Variants in PATJ observed in about 807,000 individuals in gnomAD.
PATJ encodes PATJ crumbs cell polarity complex component.
A neutral mutation model predicts 224.9 loss-of-function variants in PATJ; 190 were observed. The ratio of observed to expected loss-of-function variants is 0.84; its 90% CI spans 0.75 to 0.95. The LOEUF (loss-of-function observed/expected upper bound fraction) is 0.95. PATJ is among the 40% of genes least tolerant of loss of function. The pLI is 0.00. For missense variants in PATJ, 2,121 were observed against 2,270.3 expected, an observed-to-expected ratio of 0.93 and a Z score of 1.34; for synonymous variants, 769 against 820.3, an observed-to-expected ratio of 0.94 and a Z score of 1.07.
intron 14 of PATJ, among the ~76,000 whole-genome samples, chr1:61,815,760 G>A (rs1179942547): frequency 2.0e-5 from 3 of 152,142 alleles, no homozygotes; most frequent in Non-Finnish European, 4.4e-5. Flanking sequence ...TGAGGTAGGT[G>A]GAGTTGTGGA....
At chr1:61,811,788 G>A (rs768068646) in intron 14 of PATJ, among the ~76,000 whole-genome samples, 2 of 150,604 alleles carry the variant, frequency 1.3e-5, no homozygotes, top group Middle Eastern at 3.4e-3. Flanking sequence ...TAGGCTGGAC[G>A]CGGTGGCTCA....
intron 7 of PATJ, among the ~76,000 whole-genome samples, chr1:61,785,464 T>C (rs1295216579): frequency 6.6e-6 from 1 of 152,212 alleles, no homozygotes. Flanking sequence ...TGGTTCAACC[T>C]TTTTATCAGC....
At chr1:61,786,082 C>A (rs1392325644) in intron 7 of PATJ, among the ~76,000 whole-genome samples, 1 of 152,174 alleles carries the variant, frequency 6.6e-6, no homozygotes, top group Non-Finnish European at 1.5e-5. Context: ...AGTGCAGTGG[C>A]GTGATCTTTG....
At position 61,769,306 on chromosome 1, in the gene PATJ, T is replaced by C. The variant is rs1355122977; in HGVS notation, c.408T>C (p.Asp136=). The part of the protein sequence containing the change: ...MAQGRQIEYI[D]IERPSTGGLG... ...AGGGCCGGCAAATTGAATATATAGA[T>C]ATAGAACGGCCTTCAACTGGAGGCC... The change falls in exon 5 of 44, where the codon GAT becomes GAC. Residue 136 remains aspartate (D), a synonymous_variant. Coordinates refer to ENST00000642238, the MANE Select transcript of PATJ (RefSeq NM_001350145.3). 6.2e-7 allele frequency: 1 copy of C among 1,612,578 alleles called. No individual in the cohort carries two copies. The highest frequency in any genetic ancestry group is 1.3e-5 in the African/African-American group (1 of 74,722).
intron 30 of PATJ, chr1:62,039,056 T>C (rs903015517): frequency 1.1e-6 from 1 of 920,106 alleles, no homozygotes; most frequent in Non-Finnish European, 1.8e-6. Flanking sequence ...AATGGGAACA[T>C]TATGATCCAG....
intron 21 of PATJ, among the ~76,000 whole-genome samples, chr1:61,877,857 C>T (rs1431817239): frequency 6.6e-6 from 1 of 152,032 alleles, no homozygotes; most frequent in Admixed American, 6.5e-5. Context: ...ACCTCTGTAC[C>T]CCTGTTATGA....
intron 31 of PATJ, among the ~76,000 whole-genome samples, chr1:62,068,074 C>T (rs1018859091): frequency 1.3e-4 from 20 of 152,310 alleles, no homozygotes; most frequent in African/African-American, 4.6e-4. Context: ...GGATTACAGG[C>T]GTGAGCCACC....
intron 22 of PATJ, among the ~76,000 whole-genome samples, chr1:61,897,133 G>A (rs900601887): frequency 2.0e-5 from 3 of 152,090 alleles, no homozygotes; most frequent in Non-Finnish European, 4.4e-5. Flanking sequence ...AAATTATAGA[G>A]GAAATGAATA....
intron 27 of PATJ, among the ~76,000 whole-genome samples, chr1:61,958,905 A>C (rs2149413436): frequency 6.6e-6 from 1 of 152,264 alleles, no homozygotes; most frequent in South Asian, 2.1e-4. Flanking sequence ...CTGTTTTGTT[A>C]GGGCAGATAA....
intron 22 of PATJ, among the ~76,000 whole-genome samples, chr1:61,886,949 C>G (rs1435665537): frequency 6.6e-6 from 1 of 151,350 alleles, no homozygotes; most frequent in Non-Finnish European, 1.5e-5. Flanking sequence ...CCACTGCACT[C>G]CAGCCTGGGT....
chr1:61,777,699 CTTTCTTTTT>C lies in PATJ; in HGVS notation c.849+2369_849+2377del, dbSNP rs1312567483. 1.5e-4 allele frequency among the ~76,000 whole-genome samples: 12 copies of C among 80,082 alleles called. 1 individual carries two copies. Among genetic ancestry groups the C allele is most frequent in the African/African-American group, 2.3e-4 (4 of 17,686 alleles). 52.5% of individuals were successfully genotyped at this position (80,082 alleles called of 152,430 possible). A position where few individuals can be genotyped will look rare whatever the true frequency, so the allele number is the denominator to read the frequency against. ...TATTTTCTTCCTTTTTTCTTTCTTTCTTTCTTTTTTTTTTTTTTTTTTTTTTTTAGCATA... is the reference window on the plus strand; with the variant it reads ...TATTTTCTTCCTTTTTTCTTTCTTTCTTTTTTTTTTTTTTTTTTTAGCATA... On this transcript the variant is annotated intron_variant, in intron 7 of 43. Transcript: ENST00000642238.
chr1:61,808,415 T>C (rs781725324), intron 13 of PATJ, 59 bp from the exon 14 acceptor site: 67 of 982,298 alleles, frequency 6.8e-5, no homozygotes, highest in Admixed American at 5.4e-4. Flanking sequence ...TTTCAGAAAA[T>C]GTAGGAGGAA....
rs1557983945 is a variant in PATJ, at chr1:61,980,473, GTGTGTGGTA to G, written c.3671-9692_3671-9684del. ...TGTGTGTGTGTGTGTGTGTGTGTGT[GTGTGTGGTA>G]TGCATTTTCATATAGTAAACAAAGT... is the stretch of plus-strand genomic sequence containing the variant. On this transcript the variant is annotated intron_variant, in intron 27 of 43. Coordinates refer to ENST00000642238, the MANE Select transcript of PATJ (RefSeq NM_001350145.3). 3.5e-4 allele frequency among the ~76,000 whole-genome samples: 48 copies of G among 136,416 alleles called. No individual in the cohort carries two copies. In the East Asian group the frequency reaches 3.6e-3, roughly 10 times the overall value. The allele number at this position is 136,416 out of a possible 152,430, so 89.5% of individuals were successfully genotyped here.
intron 14 of PATJ, among the ~76,000 whole-genome samples, chr1:61,809,461 C>G (rs1197354867): frequency 6.6e-6 from 1 of 150,842 alleles, no homozygotes; most frequent in Non-Finnish European, 1.5e-5. Context: ...AATCTTGGCT[C>G]ACCGCAACCT....
intron 33 of PATJ, among the ~76,000 whole-genome samples, chr1:62,104,140 G>T (rs1249265305): frequency 6.6e-6 from 1 of 152,056 alleles, no homozygotes; most frequent in African/African-American, 2.4e-5. Flanking sequence ...AGGAAGGGAG[G>T]GCGGGTAGGG....
At chr1:61,752,578 G>T (rs372052180) in intron 1 of PATJ, among the ~76,000 whole-genome samples, 1 of 151,992 alleles carries the variant, frequency 6.6e-6, no homozygotes, top group African/African-American at 2.4e-5. Flanking sequence ...TGCCCGCCTC[G>T]GCCTCCCGAA....
Position 61,763,020 on chromosome 1 carries a change from G to T in PATJ, c.30G>T (p.Leu10=), listed in dbSNP as rs758201718. 2 of 1,607,910 alleles carry T rather than the reference G, an allele frequency of 1.2e-6. No individual in the cohort carries two copies. Among genetic ancestry groups the T allele is most frequent in the Admixed American group, 3.4e-5 (2 of 59,446 alleles). Residue 10 remains leucine (L), a synonymous_variant, in exon 3 of 44, where the codon CTG becomes CTT. Transcript: ENST00000642238. MPENPATDK[L]QVLQVLDRLK... ...TATTCATCTTGACCCAAGATAAACT[G>T]CAGGTGCTGCAGGTACTTGATCGCC...
chr1:61,816,677 G>A (rs1231019232), intron 14 of PATJ, among the ~76,000 whole-genome samples: 2 of 152,078 alleles, frequency 1.3e-5, no homozygotes, highest in African/African-American at 4.8e-5. Flanking sequence ...AATATGTACT[G>A]CAAAAGGTGA....
chr1:61,813,378 T>TATACATAC (rs1376176032), intron 14 of PATJ, among the ~76,000 whole-genome samples: 1 of 46,356 alleles, frequency 2.2e-5, no homozygotes, highest in African/African-American at 7.3e-5. Context: ...TATATATATA[T>TATACATAC]ACACACACAC....
Sources: allele counts gnomAD v4.1 joint callset (sites outside exome capture counted in the v4.1 genomes callset), GRCh38; gene constraint gnomAD v4.1.1; transcripts MANE v1.5; gene names NCBI Gene and HGNC (gene_info 2026-07-23, HGNC 2026-07-21).